Variants in TMEM259 observed in about 807,000 individuals in gnomAD.
TMEM259 encodes the protein membralin.
In TMEM259, 26 loss-of-function variants were observed where a neutral mutation model predicts 46.7. The ratio of observed to expected loss-of-function variants is 0.56; its 90% CI spans 0.41 to 0.77. The LOEUF is 0.77. Ranked by LOEUF, TMEM259 falls within the 30% of genes least tolerant of loss-of-function variation. The pLI is 0.00. For missense variants in TMEM259, 930 were observed against 900.5 expected, an observed-to-expected ratio of 1.03 and a Z score of -0.42; for synonymous variants, 494 against 395.1, an observed-to-expected ratio of 1.25 and a Z score of -2.97.
rs1323256308 is a variant in TMEM259, at chr19:1,010,473, G to A, written c.1740C>T (p.Pro580=). ...LGPAGGLPHA[P]QDSVPPSDSA... is the part of the protein sequence containing the mutation. ...AGTCACTCGGGGGGACACTGTCCTG[G>A]GGGGCGTGGGGGAGGCCCCCAGCAG... The change falls in exon 11 of 11, where the codon CCC becomes CCT. Residue 580 remains proline (P), a synonymous_variant. Transcript: ENST00000356663. 6.5e-7 allele frequency: 1 copy of A among 1,545,606 alleles called. No homozygotes were observed. Among genetic ancestry groups the A allele is most frequent in the East Asian group, 2.4e-5 (1 of 40,906 alleles).
Position 1,014,462 on chromosome 19 carries a change from C to G in TMEM259, c.237G>C (p.Val79=). 1.2e-6 allele frequency: 2 copies of G among 1,609,262 alleles called. No homozygotes were observed. The highest frequency in any genetic ancestry group is 1.7e-6 in the Non-Finnish European group (2 of 1,178,310). ...EFFVLLKALF[V]LFVLAYIHIV... ...TGTGGATGTAGGCCAGGACGAAGAG[C>G]ACAAACAGGGCCTAGGGGGCGGCCG... Residue 79 remains valine, a synonymous_variant, in exon 2 of 11, where the codon GTG becomes GTC. Transcript: ENST00000356663.
At chr19:1,018,455 G>A (rs1319999671) in intron 1 of TMEM259, among the ~76,000 whole-genome samples, 5 of 152,202 alleles carry the variant, frequency 3.3e-5, no homozygotes, top group African/African-American at 1.2e-4. Context: ...GAGCTCAGCT[G>A]CACAGATGCC....
At chr19:1,013,615 C>T (rs2039011191) in intron 2 of TMEM259, 1 of 407,312 alleles carries the variant, frequency 2.5e-6, no homozygotes, top group Non-Finnish European at 4.5e-6. Flanking sequence ...TGGAAGGGTC[C>T]ATGATGCTCT....
At position 1,014,461 on chromosome 19, in the gene TMEM259, G is replaced by C. The variant is rs1386242803; in HGVS notation, c.238C>G (p.Leu80Val). 6.2e-7 allele frequency: 1 copy of C among 1,609,324 alleles called. No homozygotes were observed. Among genetic ancestry groups the C allele is most frequent in the Non-Finnish European group, 8.5e-7 (1 of 1,178,330 alleles). The change falls in exon 2 of 11, where the codon CTC (leucine) becomes GTC (valine). Residue 80 changes from leucine to valine, a missense_variant. By Grantham distance (32) the Leu-to-Val change is conservative. Transcript: ENST00000356663. Reference protein sequence around the residue: ...FFVLLKALFVLFVLAYIHIVF... With the variant: ...FFVLLKALFVVFVLAYIHIVF... The stretch of plus-strand genomic sequence containing the variant: ...ATGTGGATGTAGGCCAGGACGAAGA[G>C]CACAAACAGGGCCTAGGGGGCGGCC...
chr19:1,020,297 A>G lies in TMEM259; in HGVS notation c.225+475T>C, dbSNP rs2039246814. ...GGTTGGTCCGAGGGAGACCTGCGTC[A>G]GGCTGGGTTCTGGGCCAGCACATTG... On this transcript the variant is annotated intron_variant, in intron 1 of 10. Coordinates refer to ENST00000356663, the MANE Select transcript of TMEM259 (RefSeq NM_001033026.2). This position sits in a 1 kb window ranked among gnomAD's most constrained non-coding sequence, Gnocchi z 4.0. Among the ~76,000 whole-genome samples the G allele has an allele frequency of 6.6e-6, 1 of 151,984 alleles. No homozygotes were observed. Among genetic ancestry groups the G allele is most frequent in the Non-Finnish European group, 1.5e-5 (1 of 67,978 alleles).
At chr19:1,013,544 C>T (rs973102261) in intron 2 of TMEM259, 3 of 558,830 alleles carry the variant, frequency 5.4e-6, no homozygotes, top group African/African-American at 3.8e-5. Context: ...GTGAGGCCAT[C>T]TCCAGCACAG....
Position 1,009,667 on chromosome 19 carries a change from A to G in TMEM259, c.*683T>C. 1 of 1,248,352 alleles carries G rather than the reference A, an allele frequency of 8.0e-7. No individual in the cohort carries two copies. The allele number at this position is 1,248,352 out of a possible 1,614,324, so 77.3% of individuals were successfully genotyped here. On this transcript the variant is annotated 3_prime_UTR_variant, in exon 11 of 11. Transcript: ENST00000356663. The stretch of plus-strand genomic sequence containing the variant: ...GCGCAGTGAGCCGCTGTCAACAGAC[A>G]GTTTATTCTATATACAAACACAATT...
chr19:1,020,807 A>G lies in TMEM259; in HGVS notation c.190T>C (p.Phe64Leu). ...ACGAAGAACTCGAAGAGACGGCGGA[A>G]GGCGGGCGGGAAGAGCCGCGAATAG... Reference protein sequence around the residue: ...VTYSRLFPPAFRRLFEFFVLL... With the variant: ...VTYSRLFPPALRRLFEFFVLL... The change falls in exon 1 of 11, where the codon TTC becomes CTC. Residue 64 changes from phenylalanine (F) to leucine (L), a missense_variant. Phe to Leu is a conservative substitution (Grantham distance 22, BLOSUM62 0). Coordinates refer to ENST00000356663, the MANE Select transcript of TMEM259 (RefSeq NM_001033026.2). This position sits in a 1 kb window ranked among gnomAD's most constrained non-coding sequence, Gnocchi z 4.0. 7.4e-7 allele frequency: 1 copy of G among 1,352,204 alleles called. No individual in the cohort carries two copies. The highest frequency in any genetic ancestry group is 9.5e-7 in the Non-Finnish European group (1 of 1,047,920). The allele number at this position is 1,352,204 out of a possible 1,614,324, so 83.8% of individuals were successfully genotyped here.
intron 5 of TMEM259, 27 bp from the exon 6 acceptor site, chr19:1,012,019 C>G: frequency 6.2e-7 from 1 of 1,611,602 alleles, no homozygotes; most frequent in Non-Finnish European, 8.5e-7. Context: ...CGTGAGCGCC[C>G]GCCCCCACCC....
intron 3 of TMEM259, among the ~76,000 whole-genome samples, chr19:1,012,851 G>A (rs887064212): frequency 2.6e-5 from 4 of 152,110 alleles, no homozygotes; most frequent in Non-Finnish European, 5.9e-5. Context: ...CTGCCCTGGC[G>A]GCCCCCAGCA....
intron 3 of TMEM259, 27 bp from the exon 4 acceptor site, chr19:1,012,600 C>A: frequency 6.4e-7 from 1 of 1,551,108 alleles, no homozygotes; most frequent in South Asian, 1.2e-5. Flanking sequence ...GGGACCAGGT[C>A]AGCGCCCCCA....
rs1184115609 is a variant in TMEM259, at chr19:1,014,287, G to T, written c.412C>A (p.Pro138Thr). The change falls in exon 2 of 11, where the codon CCG becomes ACG. Residue 138 changes from proline to threonine, a missense_variant. Transcript: ENST00000356663. ...CTGCCTGGTTCCACGGCCAGGCCCG[G>T]GAAGCTCCCGCGGCCGCCGCTGTCA... ...FCDSGGRGSF[P>T]GLAVEPGSNL... The T allele has an allele frequency of 6.2e-7, 1 of 1,612,774 alleles. No homozygotes were observed. Among genetic ancestry groups the T allele is most frequent in the Non-Finnish European group, 8.5e-7 (1 of 1,179,838 alleles).
intron 9 of TMEM259, 82 bp downstream of exon 9, chr19:1,011,285 C>G: frequency 6.5e-7 from 1 of 1,537,602 alleles, no homozygotes; most frequent in African/African-American, 1.4e-5. Flanking sequence ...CCACCACCCC[C>G]GCCTCCAGCG....
chr19:1,010,858 G>T lies in TMEM259; in HGVS notation c.1355C>A (p.Pro452His). Residue 452 changes from proline (P) to histidine (H), a missense_variant, in exon 11 of 11, where the codon CCT (proline) becomes CAT (histidine). Physicochemically the swap from Pro to His is moderately conservative, Grantham distance 77. Coordinates refer to ENST00000356663, the MANE Select transcript of TMEM259 (RefSeq NM_001033026.2). ...MIYFFHHYEL[P>H]AILQQVRIQE... Reference sequence around the variant, plus strand: ...GATGCGGACCTGCTGCAGGATGGCAGGCAGCTCGTAGTGGTGGAAGAAGTA... The same window carrying T: ...GATGCGGACCTGCTGCAGGATGGCATGCAGCTCGTAGTGGTGGAAGAAGTA... The T allele has an allele frequency of 6.3e-7, 1 of 1,594,886 alleles. No homozygotes were observed. Among genetic ancestry groups the T allele is most frequent in the Non-Finnish European group, 8.5e-7 (1 of 1,178,380 alleles).
At position 1,009,774 on chromosome 19, in the gene TMEM259, C is replaced by CCAT; in HGVS notation, c.*573_*575dup. Reference sequence around the variant, plus strand: ...TGACTGGTTTGGCCGCCGGCCCACTCCATCCCCGAGTGGGACTGGACCACG... The same window carrying CCAT: ...TGACTGGTTTGGCCGCCGGCCCACTCCATCATCCCCGAGTGGGACTGGACCACG... On this transcript the variant is annotated 3_prime_UTR_variant, in exon 11 of 11. Transcript: ENST00000356663. The CCAT allele has an allele frequency of 1.7e-6, 1 of 595,822 alleles. No homozygotes were observed. The highest frequency in any genetic ancestry group is 3.2e-5 in the South Asian group (1 of 30,944). The allele number at this position is 595,822 out of a possible 1,614,324, so 36.9% of individuals were successfully genotyped here. A position where few individuals can be genotyped will look rare whatever the true frequency, so the allele number is the denominator to read the frequency against.
chr19:1,013,834 G>C (rs947390410), intron 2 of TMEM259, among the ~76,000 whole-genome samples: 24 of 152,208 alleles, frequency 1.6e-4, no homozygotes, highest in South Asian at 4.1e-4. Context: ...GATGGGCCCA[G>C]AGCTCTTAGC....
Position 1,012,381 on chromosome 19 carries a change from G to A in TMEM259, c.718+82C>T, listed in dbSNP as rs528124943. 105 of 1,514,120 alleles carry A rather than the reference G, an allele frequency of 6.9e-5. No individual in the cohort carries two copies. The East Asian group carries it at 2.1e-3, about 31-fold the overall frequency. 93.8% of individuals were successfully genotyped at this position (1,514,120 alleles called of 1,614,324 possible). ...CCCAGTGCTTCCTGCACAGCCCCCCGTCCCGCACCAGCAGGAGGAGACCCG... is the reference window on the plus strand; with the variant it reads ...CCCAGTGCTTCCTGCACAGCCCCCCATCCCGCACCAGCAGGAGGAGACCCG... On this transcript the variant is annotated intron_variant, in intron 4 of 10. Coordinates refer to ENST00000356663, the MANE Select transcript of TMEM259 (RefSeq NM_001033026.2).
rs763411583 is a variant in TMEM259, at chr19:1,012,589, A to G, written c.608-16T>C. On this transcript the variant is annotated splice_polypyrimidine_tract_variant and intron_variant, in intron 3 of 10. Coordinates refer to ENST00000356663, the MANE Select transcript of TMEM259 (RefSeq NM_001033026.2). ...TGCGGCCACACTGCAGGGCAGAACC[A>G]GGGACCAGGTCAGCGCCCCCACACA... The G allele has an allele frequency of 1.3e-6, 2 of 1,563,008 alleles. No individual in the cohort carries two copies. The highest frequency in any genetic ancestry group is 1.7e-6 in the Non-Finnish European group (2 of 1,154,438).
At chr19:1,010,923 C>G in intron 10 of TMEM259, 28 bp from the exon 11 acceptor site, 1 of 1,571,652 alleles carries the variant, frequency 6.4e-7, no homozygotes, top group Non-Finnish European at 8.6e-7. Flanking sequence ...GGAGTCAGGA[C>G]GGGCCCGCCC....
Sources: gnomAD v4.1 joint callset for allele counts (sites outside exome capture counted in the v4.1 genomes callset) on GRCh38, gnomAD v4.1.1 for gene constraint, Gnocchi (gnomAD v3.1) non-coding constraint, MANE v1.5 for transcripts, NCBI Gene and HGNC (gene_info 2026-07-23, HGNC 2026-07-21) for gene names.